CCDC171: variants seen among roughly 807,000 people sequenced by gnomAD.
CCDC171 encodes the protein coiled-coil domain containing 171.
CCDC171 carries 177 observed loss-of-function variants against 168.2 expected under a neutral mutation model. The ratio of observed to expected loss-of-function variants is 1.05; its 90% CI spans 0.93 to 1.19. The LOEUF (loss-of-function observed/expected upper bound fraction) is 1.19, where lower values mean the gene tolerates loss of function less well. Among genes scored for constraint, CCDC171 ranks in the 50% most tolerant of loss-of-function variants. CCDC171 has a pLI of 0.00. For missense variants in CCDC171, 1,991 were observed against 1,539.0 expected, an observed-to-expected ratio of 1.29 and a Z score of -4.91; for synonymous variants, 687 against 540.8, an observed-to-expected ratio of 1.27 and a Z score of -3.75.
intron 21 of CCDC171, among the ~76,000 whole-genome samples, chr9:15,787,521 C>T (rs1341441043): frequency 6.6e-6 from 1 of 152,102 alleles, no homozygotes; most frequent in African/African-American, 2.4e-5. Flanking sequence ...CCCTCCTCTT[C>T]TTCCTTTTTT....
chr9:15,839,667 A>C (rs1040196980), intron 21 of CCDC171, among the ~76,000 whole-genome samples: 4 of 152,180 alleles, frequency 2.6e-5, no homozygotes, highest in African/African-American at 9.6e-5. Flanking sequence ...TTATAAGGGA[A>C]ATAACAACAG....
chr9:15,756,053 C>T (rs974297872), intron 18 of CCDC171, among the ~76,000 whole-genome samples: 2 of 152,016 alleles, frequency 1.3e-5, no homozygotes, highest in African/African-American at 4.8e-5. Flanking sequence ...ATAAGCTTAC[C>T]CAGCAGTTTT....
At chr9:15,700,486 C>G (rs942734447) in intron 11 of CCDC171, among the ~76,000 whole-genome samples, 1 of 152,224 alleles carries the variant, frequency 6.6e-6, no homozygotes, top group African/African-American at 2.4e-5. Context: ...GAAAGGGGCT[C>G]CCACAGTGCA....
intron 8 of CCDC171, among the ~76,000 whole-genome samples, chr9:15,657,852 T>G (rs2048055241): frequency 6.6e-6 from 1 of 152,176 alleles, no homozygotes; most frequent in African/African-American, 2.4e-5. Context: ...TTTGCTATGC[T>G]TTAGAGAATG....
chr9:15,581,540 A>G (rs950193818), intron 4 of CCDC171, among the ~76,000 whole-genome samples: 1 of 152,138 alleles, frequency 6.6e-6, no homozygotes, highest in Admixed American at 6.6e-5. Flanking sequence ...ATACTACAAG[A>G]ATACAGTAAC....
chr9:16,085,389 G>C, the CCDC171 span, among the ~76,000 whole-genome samples: 1 of 152,214 alleles, frequency 6.6e-6, no homozygotes, highest in Non-Finnish European at 1.5e-5. Context: ...GCACTGAAAT[G>C]GGTCATTCTC....
rs1587643881 is a variant in CCDC171 at position 15,637,696 on chromosome 9, A to G, written c.822+14283A>G. On this transcript the variant is annotated intron_variant, in intron 7 of 25. Transcript: ENST00000380701. ...CATGTGATCTCATTGTTCAGTTCCC[A>G]TCTATGAGTGAGAACATGCGGTGTT... Among the ~76,000 whole-genome samples the G allele has an allele frequency of 2.1e-5, 3 of 139,636 alleles. No individual in the cohort carries two copies. In the East Asian group the frequency reaches 6.4e-4, roughly 30 times the overall value. 91.6% of individuals were successfully genotyped at this position (139,636 alleles called of 152,430 possible).
In CCDC171 at chr9:16,052,887, G is replaced by A. The variant is rs537798786; in HGVS notation, n.90-7759G>A. 1.1e-4 allele frequency among the ~76,000 whole-genome samples: 17 copies of A among 151,452 alleles called. No individual in the cohort carries two copies. In the South Asian group the frequency reaches 3.1e-3, roughly 28 times the overall value. ...CCTTTTCTTTTCAAACGGAATGTGAGTCTTTCCAGATTCCCTTTTCCCATC... is the reference window on the plus strand; with the variant it reads ...CCTTTTCTTTTCAAACGGAATGTGAATCTTTCCAGATTCCCTTTTCCCATC... On this transcript the variant is annotated intron_variant and non_coding_transcript_variant, in intron 1 of 1. Transcript: ENST00000478913.
intron 18 of CCDC171, among the ~76,000 whole-genome samples, chr9:15,771,546 C>A (rs1262131608): frequency 1.4e-5 from 2 of 147,546 alleles, no homozygotes; most frequent in Admixed American, 7.1e-5. Flanking sequence ...TATAAAAGCT[C>A]CTTGTGTATC....
At chr9:15,814,981 T>G (rs1234749659) in intron 21 of CCDC171, among the ~76,000 whole-genome samples, 1 of 152,190 alleles carries the variant, frequency 6.6e-6, no homozygotes, top group Admixed American at 6.5e-5. Flanking sequence ...TGTGAATTGG[T>G]CAAGTCTGTC....
chr9:15,942,519 G>A (rs913950420), intron 25 of CCDC171, among the ~76,000 whole-genome samples: 3 of 151,864 alleles, frequency 2.0e-5, no homozygotes, highest in Non-Finnish European at 4.4e-5. Context: ...CTGAGATCAG[G>A]AATTGTGTCT....
At chr9:15,623,477 A>ACACACACC in intron 7 of CCDC171, 64 bp downstream of exon 7, 3 of 322,656 alleles carry the variant, frequency 9.3e-6, no homozygotes, top group Non-Finnish European at 1.5e-5. Flanking sequence ...GCGCGCGCGC[A>ACACACACC]CACACACACA....
chr9:15,819,218 G>A lies in CCDC171; in HGVS notation c.3268-27484G>A, dbSNP rs1277481796. On this transcript the variant is annotated intron_variant, in intron 21 of 25. Coordinates refer to ENST00000380701, the MANE Select transcript of CCDC171 (RefSeq NM_173550.4). ...GCACTAAACATGGAAAGGAACAACT[G>A]GTACTAGCCACTGCCAAAACATGCC... Among the ~76,000 whole-genome samples the A allele has an allele frequency of 2.5e-5, 3 of 117,668 alleles. 1 individual carries two copies. The highest frequency in any genetic ancestry group is 9.6e-5 in the African/African-American group (3 of 31,288). 77.2% of individuals were successfully genotyped at this position (117,668 alleles called of 152,430 possible). A position where few individuals can be genotyped will look rare whatever the true frequency, so the allele number is the denominator to read the frequency against.
At chr9:15,962,337 C>T (rs12685476) in intron 25 of CCDC171, among the ~76,000 whole-genome samples, 7,570 of 152,196 alleles carry the variant, frequency 0.05, 403 homozygotes, top group African/African-American at 0.12. Context: ...GCCTACTTAA[C>T]TATGCTTCTG....
At chr9:15,969,654 T>G (rs1831152513) in intron 25 of CCDC171, among the ~76,000 whole-genome samples, 1 of 152,188 alleles carries the variant, frequency 6.6e-6, no homozygotes, top group Non-Finnish European at 1.5e-5. Context: ...AATAAAATAT[T>G]CTACTATAAT....
At chr9:15,936,166 C>T (rs993403623) in intron 25 of CCDC171, among the ~76,000 whole-genome samples, 1 of 152,000 alleles carries the variant, frequency 6.6e-6, no homozygotes, top group African/African-American at 2.4e-5. Flanking sequence ...TATAAACAGA[C>T]CCAGATGAAG....
intron 24 of CCDC171, among the ~76,000 whole-genome samples, chr9:15,905,952 A>G (rs1281691541): frequency 6.6e-6 from 1 of 152,160 alleles, no homozygotes; most frequent in Non-Finnish European, 1.5e-5. Context: ...GGACACATAC[A>G]CCCTCCCAAG....
At chr9:15,875,916 T>C (rs577360938) in intron 24 of CCDC171, 1 of 152,234 alleles carries the variant, frequency 6.6e-6, no homozygotes, top group South Asian at 2.1e-4. Context: ...AAAATGTGTA[T>C]TTTAAATTTG....
chr9:15,610,521 G>A lies in CCDC171; in HGVS notation c.676-12746G>A, dbSNP rs375799434. ...GGGTGCCTGTAATTCCAGCTACTTC[G>A]GGAGGCTGAGGCAGGAGAATCACTT... On this transcript the variant is annotated intron_variant, in intron 6 of 25. Transcript: ENST00000380701. 4.9e-5 allele frequency among the ~76,000 whole-genome samples: 7 copies of A among 142,008 alleles called. No individual in the cohort carries two copies. In the East Asian group the frequency reaches 6.1e-4, roughly 12 times the overall value. 93.2% of individuals were successfully genotyped at this position (142,008 alleles called of 152,430 possible). A position where few individuals can be genotyped will look rare whatever the true frequency, so the allele number is the denominator to read the frequency against.
Sources: allele counts gnomAD v4.1 joint callset (sites outside exome capture counted in the v4.1 genomes callset), GRCh38; gene constraint gnomAD v4.1.1; transcripts MANE v1.5; gene names NCBI Gene and HGNC (gene_info 2026-07-23, HGNC 2026-07-21).